The following PACS2 variants were observed in gnomAD, a reference collection of about 807,000 sequenced individuals.
PACS2 encodes the protein PACS1-like protein.
A neutral mutation model predicts 113.0 loss-of-function variants in PACS2; 36 were observed. The observed-to-expected ratio is 0.32, with a 90% CI of 0.24 to 0.42. The LOEUF is 0.42. Among genes scored for constraint, PACS2 ranks in the 10% least tolerant of loss-of-function variants. The pLI is 1.00. For synonymous variants in PACS2, 589 were observed against 536.1 expected (o/e 1.10, Z -1.36); for missense variants, 1,015 against 1,239.5 (o/e 0.82, Z 2.72).
chr14:105,329,605 C>T lies in PACS2; in HGVS notation c.119+14568C>T, dbSNP rs898554397. On this transcript the variant is annotated intron_variant, in intron 1 of 24. Transcript: ENST00000447393. This position sits in a 1 kb window ranked among gnomAD's most constrained non-coding sequence, Gnocchi z 6.4. Reference sequence around the variant, plus strand: ...GACCGCTCTGGTGTCAGCCAAGTGGCGGGCACCTTCTGGGCTTGGGGGCGG... The same window carrying T: ...GACCGCTCTGGTGTCAGCCAAGTGGTGGGCACCTTCTGGGCTTGGGGGCGG... Among the ~76,000 whole-genome samples the T allele has an allele frequency of 6.6e-6, 1 of 152,124 alleles. No individual in the cohort carries two copies. The highest frequency in any genetic ancestry group is 2.4e-5 in the African/African-American group (1 of 41,426).
In PACS2 at chr14:105,382,024, C is replaced by T. The variant is rs587775302; in HGVS notation, c.1379C>T (p.Pro460Leu). The T allele has an allele frequency of 3.4e-5, 53 of 1,549,484 alleles. No homozygotes were observed. Among genetic ancestry groups the T allele is most frequent in the Middle Eastern group, 2.0e-4 (1 of 4,956 alleles). Residue 460 changes from proline to leucine, a missense_variant, in exon 13 of 25, where the codon CCG becomes CTG. Pro to Leu is a moderately conservative substitution (Grantham distance 98). This residue lies in a region of PACS2 where 859 missense variants were observed against 1,056.8 expected (regional missense o/e 0.81). Coordinates refer to ENST00000447393, the MANE Select transcript of PACS2 (RefSeq NM_001100913.3). ...AACAGCCTGGACAACGAGCGCTGCC[C>T]GGACGCCCGGAGCCAGCTACAGGTG... is the stretch of plus-strand genomic sequence containing the variant. ...RANSLDNERC[P>L]DARSQLQVQL...
chr14:105,327,146 C>T (rs1163190124), intron 1 of PACS2, among the ~76,000 whole-genome samples: 1 of 152,234 alleles, frequency 6.6e-6, no homozygotes, highest in African/African-American at 2.4e-5. Context: ...TGAAGAACAG[C>T]TGCAAGGCCA....
At chr14:105,362,230 A>AAC (rs1231955690) in intron 4 of PACS2, among the ~76,000 whole-genome samples, 1 of 150,858 alleles carries the variant, frequency 6.6e-6, no homozygotes, top group Non-Finnish European at 1.5e-5. Flanking sequence ...CATCCTGGCT[A>AAC]ACACAGTGAA....
chr14:105,382,080 C>T lies in PACS2; in HGVS notation c.1413+22C>T, dbSNP rs28539444. On this transcript the variant is annotated intron_variant, in intron 13 of 24. Coordinates refer to ENST00000447393, the MANE Select transcript of PACS2 (RefSeq NM_001100913.3). Reference sequence around the variant, plus strand: ...GCAGGTGGGGGTGGAGGGCGTGGCACGCCCAGGAGGCAGGGCTCGTGGTCA... The same window carrying T: ...GCAGGTGGGGGTGGAGGGCGTGGCATGCCCAGGAGGCAGGGCTCGTGGTCA... The T allele has an allele frequency of 8.4e-3, 12,865 of 1,540,698 alleles. 950 individuals carry two copies. The African/African-American group carries it at 0.16, about 19-fold the overall frequency.
upstream of PACS2, among the ~76,000 whole-genome samples, chr14:105,312,163 C>T (rs1004388658): frequency 2.0e-5 from 3 of 152,214 alleles, no homozygotes; most frequent in Non-Finnish European, 2.9e-5. Context: ...TCCTGGCGCC[C>T]GACTGGAAAA....
At chr14:105,387,961 C>T (rs782160171) in intron 19 of PACS2, among the ~76,000 whole-genome samples, 2 of 152,268 alleles carry the variant, frequency 1.3e-5, no homozygotes, top group South Asian at 2.1e-4. Flanking sequence ...TCAAAGGCCA[C>T]GTCCAGGCAC....
intron 11 of PACS2, 107 bp from the exon 12 acceptor site, chr14:105,380,850 C>T: frequency 9.0e-7 from 1 of 1,107,624 alleles, no homozygotes; most frequent in South Asian, 1.8e-5. Flanking sequence ...GGAGCCACGG[C>T]CTAGAGAGGC....
rs111444612 is a variant in PACS2 at position 105,391,121 on chromosome 14, C to T, written c.2077-86C>T. 5.3e-4 allele frequency: 532 copies of T among 1,005,978 alleles called. 3 individuals carry two copies. The Middle Eastern group carries it at 5.8e-3, about 11-fold the overall frequency. The allele number at this position is 1,005,978 out of a possible 1,614,324, so 62.3% of individuals were successfully genotyped here. The stretch of plus-strand genomic sequence containing the variant: ...TCCAGCATCATGGGAGTGGTGGCCA[C>T]GGTGGGGAGGCGGGAGCCCCACTGG... On this transcript the variant is annotated intron_variant, in intron 20 of 24. Transcript: ENST00000447393.
intron 9 of PACS2, among the ~76,000 whole-genome samples, chr14:105,379,398 C>G (rs2080900909): frequency 6.6e-6 from 1 of 152,218 alleles, no homozygotes; most frequent in African/African-American, 2.4e-5. Context: ...GAGCTCTCCC[C>G]AGAGCCCCTT....
chr14:105,393,133 C>A, intron 23 of PACS2, 89 bp from the exon 24 acceptor site: 1 of 988,676 alleles, frequency 1.0e-6, no homozygotes, highest in Non-Finnish European at 1.6e-6. Flanking sequence ...CAGCTGAGCC[C>A]CCAGTGCCTC....
intron 19 of PACS2, among the ~76,000 whole-genome samples, 154 bp downstream of exon 19, chr14:105,385,871 C>T (rs890657159): frequency 5.3e-5 from 8 of 152,158 alleles, no homozygotes; most frequent in Admixed American, 3.3e-4. Context: ...AGAGCCCGCA[C>T]GGGAGAGGGG....
In PACS2 at chr14:105,357,824, G is replaced by T. The variant is rs1284316615; in HGVS notation, c.423+2647G>T. Among the ~76,000 whole-genome samples the T allele has an allele frequency of 1.3e-5, 2 of 152,200 alleles. No homozygotes were observed. The highest frequency in any genetic ancestry group is 2.9e-5 in the Non-Finnish European group (2 of 68,034). ...TGGGTGCTGCCATAGGGACTGTCGTGAGAGTGGGGTGTCGGTGAGGCTGGC... is the reference window on the plus strand; with the variant it reads ...TGGGTGCTGCCATAGGGACTGTCGTTAGAGTGGGGTGTCGGTGAGGCTGGC... On this transcript the variant is annotated intron_variant, in intron 4 of 24. Transcript: ENST00000447393. The surrounding 1 kb of genome is among the most constrained non-coding windows in gnomAD (Gnocchi z 5.1).
intron 1 of PACS2, among the ~76,000 whole-genome samples, chr14:105,339,014 C>G (rs1021705140): frequency 6.6e-6 from 1 of 152,210 alleles, no homozygotes; most frequent in Non-Finnish European, 1.5e-5. Context: ...CTGAGGGTGC[C>G]TCTGTGGCTT....
chr14:105,384,561 C>T (rs587598988), intron 17 of PACS2, 98 bp downstream of exon 17: 16 of 739,848 alleles, frequency 2.2e-5, no homozygotes, highest in African/African-American at 1.9e-4. Flanking sequence ...CCTGCTCAGG[C>T]TCAGCCTCAG....
At position 105,358,854 on chromosome 14, in the gene PACS2, G is replaced by A. The variant is rs2060559400; in HGVS notation, c.423+3677G>A. The stretch of plus-strand genomic sequence containing the variant: ...CGTCACCCTGACCGTTTGCATGCTG[G>A]ATTCCCTTTAGTTTCTCTCTATGAG... On this transcript the variant is annotated intron_variant, in intron 4 of 24. Transcript: ENST00000447393. The surrounding 1 kb of genome is among the most constrained non-coding windows in gnomAD (Gnocchi z 4.9). Among the ~76,000 whole-genome samples, 1 of 152,184 alleles carries A rather than the reference G, an allele frequency of 6.6e-6. No individual in the cohort carries two copies. The highest frequency in any genetic ancestry group is 2.4e-5 in the African/African-American group (1 of 41,442).
rs78330249 is a variant in PACS2, at chr14:105,376,608, G to C, written c.802-160G>C. Among the ~76,000 whole-genome samples, 6,445 of 152,208 alleles carry C rather than the reference G, an allele frequency of 0.042. 487 individuals carry two copies. The highest frequency in any genetic ancestry group is 0.15 in the African/African-American group (6,178 of 41,498). ...CGGGGGTCCTCGGTGATCATCCCGA[G>C]CTCCAAGACAGAAGCTGGACTACAG... is the stretch of plus-strand genomic sequence containing the variant. On this transcript the variant is annotated intron_variant, in intron 8 of 24. Coordinates refer to ENST00000447393, the MANE Select transcript of PACS2 (RefSeq NM_001100913.3). This position sits in a 1 kb window ranked among gnomAD's most constrained non-coding sequence, Gnocchi z 4.7.
rs2060930488 is a variant in PACS2 at position 105,366,000 on chromosome 14, T to G, written c.424-1213T>G. Among the ~76,000 whole-genome samples the G allele has an allele frequency of 6.6e-6, 1 of 152,252 alleles. No homozygotes were observed. The highest frequency in any genetic ancestry group is 2.4e-5 in the African/African-American group (1 of 41,470). ...GGGCAAATGTAAACTTTTAAACATT[T>G]TTTTACCTTGATTAATTGAAGAATT... On this transcript the variant is annotated intron_variant, in intron 4 of 24. Coordinates refer to ENST00000447393, the MANE Select transcript of PACS2 (RefSeq NM_001100913.3). This position sits in a 1 kb window ranked among gnomAD's most constrained non-coding sequence, Gnocchi z 5.1.
chr14:105,357,235 T>G lies in PACS2; in HGVS notation c.423+2058T>G, dbSNP rs2060488109. On this transcript the variant is annotated intron_variant, in intron 4 of 24. Transcript: ENST00000447393. The surrounding 1 kb of genome is among the most constrained non-coding windows in gnomAD (Gnocchi z 5.1). ...CTCCCAGCCTTGGGCTGTCCCCTCC[T>G]GATCCCCGGGGAGAGGCTGGAGCAA... is the stretch of plus-strand genomic sequence containing the variant. 6.6e-6 allele frequency among the ~76,000 whole-genome samples: 1 copy of G among 152,062 alleles called. No individual in the cohort carries two copies. Among genetic ancestry groups the G allele is most frequent in the African/African-American group, 2.4e-5 (1 of 41,406 alleles).
chr14:105,387,957 G>T (rs1216248280), intron 19 of PACS2, among the ~76,000 whole-genome samples: 1 of 152,248 alleles, frequency 6.6e-6, no homozygotes, highest in Non-Finnish European at 1.5e-5. Flanking sequence ...GATGTCAAAG[G>T]CCACGTCCAG....
Sources: allele counts gnomAD v4.1 joint callset (sites outside exome capture counted in the v4.1 genomes callset), GRCh38; gene constraint gnomAD v4.1.1; regional missense constraint gnomAD v4.1.1; non-coding constraint Gnocchi (gnomAD v3.1); transcripts MANE v1.5; gene names NCBI Gene and HGNC (gene_info 2026-07-23, HGNC 2026-07-21).